KLHL5: variants seen among roughly 807,000 people sequenced by gnomAD.
The protein encoded by KLHL5 is kelch-like protein 5.
In KLHL5, 48 loss-of-function variants were observed where a neutral mutation model predicts 77.7. The ratio of observed to expected loss-of-function variants is 0.62; its 90% CI spans 0.49 to 0.79. The LOEUF is 0.79. Among genes scored for constraint, KLHL5 ranks in the 30% least tolerant of loss-of-function variants. The probability of loss-of-function intolerance (pLI) is 0.00; values close to 1 mark genes in which losing one functional copy is unlikely to be tolerated. For missense variants in KLHL5, 723 were observed against 859.7 expected (o/e 0.84, Z 1.99); for synonymous variants, 260 against 297.0 (o/e 0.88, Z 1.28).
chr4:39,057,586 C>T (rs187261751), upstream of KLHL5, among the ~76,000 whole-genome samples: 90 of 152,010 alleles, frequency 5.9e-4, no homozygotes, highest in African/African-American at 2.1e-3. Context: ...TCTGATAGAC[C>T]TAATTTGACA....
At chr4:39,087,129 T>G (rs1436785075) in intron 5 of KLHL5, among the ~76,000 whole-genome samples, 1 of 152,108 alleles carries the variant, frequency 6.6e-6, no homozygotes, top group Non-Finnish European at 1.5e-5. Context: ...CAGGCTGGTC[T>G]CAAACTCCTG....
chr4:39,125,007 A>C lies in KLHL5; in HGVS notation c.*3941A>C, dbSNP rs898382943. On this transcript the variant is annotated 3_prime_UTR_variant, in exon 11 of 11. Coordinates refer to ENST00000504108, the MANE Select transcript of KLHL5 (RefSeq NM_015990.5). ...AAACCAATTTTAAAATGGGCAAAGG[A>C]CTTAAATAGACATTTCTCTAATGAA... Among the ~76,000 whole-genome samples the C allele has an allele frequency of 2.0e-5, 3 of 152,070 alleles. No individual in the cohort carries two copies. The highest frequency in any genetic ancestry group is 4.4e-5 in the Non-Finnish European group (3 of 68,016).
the KLHL5 span, among the ~76,000 whole-genome samples, chr4:39,133,295 A>T: frequency 6.6e-6 from 1 of 152,114 alleles, no homozygotes; most frequent in South Asian, 2.1e-4. Flanking sequence ...GTGCTTTAAG[A>T]TTTGAGCTAA....
At chr4:39,091,428 A>G (rs1340041353) in intron 5 of KLHL5, among the ~76,000 whole-genome samples, 3 of 151,164 alleles carry the variant, frequency 2.0e-5, no homozygotes, top group African/African-American at 7.3e-5. Context: ...AAAGCATTCC[A>G]AACATTTCAA....
At chr4:39,047,246 C>T (rs568843075) in intron 1 of KLHL5, among the ~76,000 whole-genome samples, 5 of 152,134 alleles carry the variant, frequency 3.3e-5, no homozygotes, top group Non-Finnish European at 5.9e-5. Context: ...AGTTAAACCC[C>T]GTCTCTACTA....
chr4:39,046,612 A>T (rs975081099), intron 1 of KLHL5, among the ~76,000 whole-genome samples: 1 of 152,104 alleles, frequency 6.6e-6, no homozygotes, highest in African/African-American at 2.4e-5. Flanking sequence ...ACAAAGTTTC[A>T]TTTTGTTTCT....
upstream of KLHL5, among the ~76,000 whole-genome samples, chr4:39,061,337 G>C (rs1349914859): frequency 6.6e-6 from 1 of 152,144 alleles, no homozygotes; most frequent in African/African-American, 2.4e-5. Context: ...GGAATTAGTT[G>C]ATAAAGGAGT....
chr4:39,093,454 T>C (rs540054176), intron 5 of KLHL5: 10 of 455,860 alleles, frequency 2.2e-5, no homozygotes, highest in Middle Eastern at 3.3e-4. Context: ...CTACAAATCA[T>C]TGAATTGTGT....
At chr4:39,113,309 G>A (rs3796510) in intron 9 of KLHL5, 77 bp downstream of exon 9, 688,223 of 1,209,770 alleles carry the variant, frequency 0.57, 198,261 homozygotes, top group Admixed American at 0.61. Flanking sequence ...TTTGGAGAAC[G>A]TGTTGGAGAA....
intron 6 of KLHL5, among the ~76,000 whole-genome samples, chr4:39,098,691 G>A (rs138004411): frequency 0.034 from 5,211 of 151,824 alleles, 134 homozygotes; most frequent in Non-Finnish European, 0.056. Context: ...AGCCTCCCGA[G>A]TAGCTGGGAC....
chr4:39,115,835 T>C, intron 10 of KLHL5: 2 of 1,016,380 alleles, frequency 2.0e-6, no homozygotes, highest in Non-Finnish European at 2.3e-6. Context: ...ACAGAAAGAA[T>C]TTCACCCTTG....
chr4:39,139,490 C>G, the KLHL5 span, among the ~76,000 whole-genome samples: 1 of 151,856 alleles, frequency 6.6e-6, no homozygotes, highest in Non-Finnish European at 1.5e-5. Flanking sequence ...TGCGTTTGTC[C>G]AAACTCACAG....
chr4:39,086,629 A>G lies in KLHL5; in HGVS notation c.1015A>G (p.Asn339Asp), dbSNP rs745913957. ...MNIPNEETIL[N>D]ALLTWVRHDL... ...CATTCCTAATGAGGAGACAATATTG[A>G]ATGCACTTCTTACTTGGGTCCGTCA... is the stretch of plus-strand genomic sequence containing the variant. Residue 339 changes from asparagine (N) to aspartate (D), a missense_variant, in exon 5 of 11, where the codon AAT becomes GAT. Physicochemically the swap from Asn to Asp is conservative, Grantham distance 23. Coordinates refer to ENST00000504108, the MANE Select transcript of KLHL5 (RefSeq NM_015990.5). 3.7e-6 allele frequency: 6 copies of G among 1,613,856 alleles called. No individual in the cohort carries two copies. The highest frequency in any genetic ancestry group is 5.1e-6 in the Non-Finnish European group (6 of 1,179,924).
chr4:39,048,683 G>A (rs965440494), intron 1 of KLHL5, among the ~76,000 whole-genome samples: 2 of 91,396 alleles, frequency 2.2e-5, no homozygotes, highest in Non-Finnish European at 3.9e-5. Context: ...CACTCTTGTT[G>A]CCCAGGCTGG....
At chr4:39,056,134 A>G (rs1003133839) in intron 1 of KLHL5, among the ~76,000 whole-genome samples, 4 of 152,196 alleles carry the variant, frequency 2.6e-5, no homozygotes, top group South Asian at 2.1e-4. Flanking sequence ...GTGTGTGTGT[A>G]TGTGTATTGT....
At chr4:39,077,058 A>C (rs1343431678) in intron 2 of KLHL5, among the ~76,000 whole-genome samples, 1 of 151,644 alleles carries the variant, frequency 6.6e-6, no homozygotes, top group Non-Finnish European at 1.5e-5. Context: ...AATCTACCAA[A>C]AAACTCAAAT....
intron 1 of KLHL5, among the ~76,000 whole-genome samples, chr4:39,069,257 TAC>T (rs1346482687): frequency 6.6e-6 from 1 of 151,948 alleles, no homozygotes; most frequent in African/African-American, 2.4e-5. Context: ...GGCTCAGAAA[TAC>T]AGTCTTACCC....
At position 39,121,338 on chromosome 4, in the gene KLHL5, G is replaced by A. The variant is rs1723197269; in HGVS notation, c.*272G>A. 2.2e-6 allele frequency: 1 copy of A among 450,598 alleles called. No individual in the cohort carries two copies. The highest frequency in any genetic ancestry group is 2.8e-5 in the South Asian group (1 of 35,816). 27.9% of individuals were successfully genotyped at this position (450,598 alleles called of 1,614,324 possible). A position where few individuals can be genotyped will look rare whatever the true frequency, so the allele number is the denominator to read the frequency against. On this transcript the variant is annotated 3_prime_UTR_variant, in exon 11 of 11. Transcript: ENST00000504108. ...AAGTGAGGACGAATGCACTGCTCTG[G>A]AACATAACCCAGTGCTAACTGGGGG... is the stretch of plus-strand genomic sequence containing the variant.
chr4:39,064,356 A>C (rs947510382), intron 1 of KLHL5, among the ~76,000 whole-genome samples: 3 of 152,104 alleles, frequency 2.0e-5, no homozygotes, highest in African/African-American at 7.2e-5. Context: ...AATTGAGCTA[A>C]TGTGGTTCAT....
Sources: allele counts gnomAD v4.1 joint callset (sites outside exome capture counted in the v4.1 genomes callset), GRCh38; gene constraint gnomAD v4.1.1; transcripts MANE v1.5; gene names NCBI Gene and HGNC (gene_info 2026-07-23, HGNC 2026-07-21).